Variants in SHTN1 observed in about 807,000 individuals in gnomAD.
SHTN1 encodes shootin-1.
Under a neutral mutation model 83.1 loss-of-function variants are expected in SHTN1, and 42 were observed. The ratio of observed to expected loss-of-function variants is 0.51; its 90% CI spans 0.39 to 0.65. The LOEUF is 0.65. Ranked by LOEUF, SHTN1 falls within the 30% of genes least tolerant of loss-of-function variation. The probability of loss-of-function intolerance (pLI) is 0.00; values close to 1 mark genes in which losing one functional copy is unlikely to be tolerated. For missense variants in SHTN1, 622 were observed against 737.8 expected (o/e 0.84, Z 1.82); for synonymous variants, 224 against 247.7 (o/e 0.90, Z 0.90).
At chr10:116,977,733 G>C (rs538950589) in intron 2 of SHTN1, among the ~76,000 whole-genome samples, 15 of 151,838 alleles carry the variant, frequency 9.9e-5, no homozygotes, top group African/African-American at 1.7e-4. Context: ...GGAATGCAGT[G>C]GTGCAATCAT....
In SHTN1 at chr10:116,949,021, G is replaced by A. The variant is rs916244778; in HGVS notation, c.535-24C>T. ...ACCTAAAAATGTGAAATTTTGAGGG[G>A]AGAAAACACCAAAAATTGTAAAACA... On this transcript the variant is annotated intron_variant, in intron 6 of 16. Coordinates refer to ENST00000355371, the MANE Select transcript of SHTN1 (RefSeq NM_001127211.3). 83 of 1,503,012 alleles carry A rather than the reference G, an allele frequency of 5.5e-5. No homozygotes were observed. The East Asian group carries it at 2.0e-3, about 36-fold the overall frequency. 93.1% of individuals were successfully genotyped at this position (1,503,012 alleles called of 1,614,324 possible).
rs777896853 is a variant in SHTN1, at chr10:116,906,713, A to G, written c.1394T>C (p.Leu465Ser). The change falls in exon 15 of 17, where the codon TTA becomes TCA. Residue 465 changes from leucine to serine, a missense_variant. Transcript: ENST00000355371. ...ACTGTTTTCAGGGTCAAGGGATTTT[A>G]AGCTTCTTGAACTAGTGGATTTGTT... Reference protein sequence around the residue: ...TLNKSTSSRSLKSLDPENSET... With the variant: ...TLNKSTSSRSSKSLDPENSET... 1 of 1,613,134 alleles carries G rather than the reference A, an allele frequency of 6.2e-7. No homozygotes were observed. Among genetic ancestry groups the G allele is most frequent in the Non-Finnish European group, 8.5e-7 (1 of 1,179,496 alleles).
chr10:116,917,773 A>G (rs1456032357), intron 12 of SHTN1, among the ~76,000 whole-genome samples: 1 of 152,236 alleles, frequency 6.6e-6, no homozygotes, highest in African/African-American at 2.4e-5. Flanking sequence ...CATAGTGATA[A>G]TTCAGAGACG....
chr10:117,107,875 G>C (rs1471686041), intron 1 of SHTN1, among the ~76,000 whole-genome samples: 1 of 152,136 alleles, frequency 6.6e-6, no homozygotes, highest in East Asian at 1.9e-4. Flanking sequence ...ACCCAGGCTG[G>C]AGTGCAGTGG....
At chr10:116,994,727 C>T (rs1026933834) in intron 1 of SHTN1, among the ~76,000 whole-genome samples, 2 of 152,122 alleles carry the variant, frequency 1.3e-5, no homozygotes, top group African/African-American at 4.8e-5. Context: ...TATTATTTCA[C>T]AGTGACCTGT....
rs1346012919 is a variant in SHTN1 at position 116,886,284 on chromosome 10, A to C, written c.*60T>G. On this transcript the variant is annotated 3_prime_UTR_variant, in exon 17 of 17. Coordinates refer to ENST00000355371, the MANE Select transcript of SHTN1 (RefSeq NM_001127211.3). ...GTCTACAGCCCTTGCCAATATAACA[A>C]CACTAATCATGTGCTTATTGAAAAG... 8 of 1,549,466 alleles carry C rather than the reference A, an allele frequency of 5.2e-6. No homozygotes were observed. The highest frequency in any genetic ancestry group is 1.4e-5 in the African/African-American group (1 of 72,902).
chr10:116,942,889 T>C (rs1200777592), intron 8 of SHTN1, among the ~76,000 whole-genome samples: 1 of 151,018 alleles, frequency 6.6e-6, no homozygotes, highest in Non-Finnish European at 1.5e-5. Context: ...GTAAGTAAAA[T>C]GCAAAAGAAT....
At chr10:117,108,348 A>G (rs925954187) in intron 1 of SHTN1, among the ~76,000 whole-genome samples, 1 of 152,146 alleles carries the variant, frequency 6.6e-6, no homozygotes, top group African/African-American at 2.4e-5. Context: ...AAAATGTGGC[A>G]CATATACACC....
At chr10:117,057,199 T>C (rs1210303845) in intron 1 of SHTN1, among the ~76,000 whole-genome samples, 1 of 151,940 alleles carries the variant, frequency 6.6e-6, no homozygotes, top group Non-Finnish European at 1.5e-5. Flanking sequence ...AACTCTGGAG[T>C]CTATTGAAGG....
At chr10:116,903,169 T>G (rs1847815280) in intron 15 of SHTN1, among the ~76,000 whole-genome samples, 1 of 152,226 alleles carries the variant, frequency 6.6e-6, no homozygotes, top group Non-Finnish European at 1.5e-5. Flanking sequence ...TTAGTTTCTA[T>G]CTTCCCCATT....
In SHTN1 at chr10:116,912,212, TTGCTGGACTC is replaced by T. The variant is rs1352965969; in HGVS notation, c.1306-379_1306-370del. On this transcript the variant is annotated intron_variant, in intron 13 of 16. Transcript: ENST00000355371. The stretch of plus-strand genomic sequence containing the variant: ...TAGGATAAACTGTCCTCTACCTGCA[TTGCTGGACTC>T]TGCCAGCAAGCAGAGACTAGAAACA... 3.3e-5 allele frequency among the ~76,000 whole-genome samples: 5 copies of T among 152,326 alleles called. No homozygotes were observed. In the East Asian group the frequency reaches 9.6e-4, roughly 29 times the overall value.
At chr10:117,001,466 C>T (rs1034260724) in intron 1 of SHTN1, among the ~76,000 whole-genome samples, 13 of 152,210 alleles carry the variant, frequency 8.5e-5, no homozygotes, top group Admixed American at 4.6e-4. Context: ...ACCTTATTCA[C>T]CACACCACTA....
intron 1 of SHTN1, among the ~76,000 whole-genome samples, chr10:117,095,286 G>A (rs1371697794): frequency 6.6e-6 from 1 of 152,184 alleles, no homozygotes; most frequent in African/African-American, 2.4e-5. Context: ...GAGAGAAAAA[G>A]GGATAACTGC....
At chr10:117,099,577 T>G (rs1048035979) in intron 1 of SHTN1, among the ~76,000 whole-genome samples, 2 of 152,136 alleles carry the variant, frequency 1.3e-5, no homozygotes, top group African/African-American at 4.8e-5. Flanking sequence ...ATTCCAAAAC[T>G]CACATTCTTT....
At chr10:116,893,027 T>C (rs959819433) in intron 16 of SHTN1, among the ~76,000 whole-genome samples, 6 of 152,238 alleles carry the variant, frequency 3.9e-5, no homozygotes, top group South Asian at 4.1e-4. Flanking sequence ...TCTGAGAGAA[T>C]TGAGAATTAC....
intron 1 of SHTN1, among the ~76,000 whole-genome samples, chr10:116,999,894 CAG>C: frequency 6.6e-6 from 1 of 152,114 alleles, no homozygotes. Flanking sequence ...GCCTGGGTGA[CAG>C]AGTGAGACTC....
intron 10 of SHTN1, among the ~76,000 whole-genome samples, chr10:116,928,997 TA>T (rs1848851061): frequency 6.6e-6 from 1 of 152,188 alleles, no homozygotes; most frequent in African/African-American, 2.4e-5. Context: ...TGATATTCAC[TA>T]AAAAGAATGA....
intron 2 of SHTN1, among the ~76,000 whole-genome samples, chr10:117,012,685 A>C (rs935324486): frequency 6.6e-6 from 1 of 152,216 alleles, no homozygotes; most frequent in African/African-American, 2.4e-5. Flanking sequence ...TGTAACCTAA[A>C]GTCTGGCAAT....
At chr10:117,004,749 G>A (rs1425470989) in intron 1 of SHTN1, among the ~76,000 whole-genome samples, 2 of 152,178 alleles carry the variant, frequency 1.3e-5, no homozygotes, top group African/African-American at 4.8e-5. Flanking sequence ...CCTTCCCCCA[G>A]CCCCCGATCG....
Sources: gnomAD v4.1 joint callset for allele counts (sites outside exome capture counted in the v4.1 genomes callset) on GRCh38, gnomAD v4.1.1 for gene constraint, MANE v1.5 for transcripts, NCBI Gene and HGNC (gene_info 2026-07-23, HGNC 2026-07-21) for gene names.